The following FBP1 variants were observed in gnomAD, a reference collection of about 807,000 sequenced individuals.
The protein encoded by FBP1 is fructose-bisphosphatase 1.
Under a neutral mutation model 29.9 loss-of-function variants are expected in FBP1, and 22 were observed. The ratio of observed to expected loss-of-function variants is 0.74; its 90% CI spans 0.53 to 1.05. The LOEUF is 1.05. Among genes scored for constraint, FBP1 ranks in the 50% least tolerant of loss-of-function variants. FBP1 has a pLI of 0.00. For missense variants in FBP1, 345 were observed against 448.2 expected (o/e 0.77, Z 2.08); for synonymous variants, 175 against 178.6 (o/e 0.98, Z 0.16).
Position 94,639,209 on chromosome 9 carries a change from C to G in FBP1, c.102G>C (p.Leu34=), listed in dbSNP as rs143832764. Residue 34 remains leucine, a synonymous_variant, in exon 1 of 7, where the codon CTG becomes CTC. Transcript: ENST00000375326. ...KARGTGELTQ[L]LNSLCTAVKA... ...TGACTGCTGTGCAGAGCGAGTTGAG[C>G]AGCTGGGTCAACTCGCCCGTGCCGC... is the stretch of plus-strand genomic sequence containing the variant. 1.8e-4 allele frequency: 292 copies of G among 1,602,354 alleles called. No individual in the cohort carries two copies. The highest frequency in any genetic ancestry group is 2.2e-4 in the Admixed American group (13 of 58,128).
At chr9:94,625,677 C>A (rs890595007) in intron 1 of FBP1, among the ~76,000 whole-genome samples, 1 of 152,244 alleles carries the variant, frequency 6.6e-6, no homozygotes, top group African/African-American at 2.4e-5. Context: ...CGCCTGTGGT[C>A]CCAGCTACTC....
chr9:94,635,062 C>CTGAG lies in FBP1; in HGVS notation c.170+4075_170+4078dup, dbSNP rs370040962. 9.0e-4 allele frequency among the ~76,000 whole-genome samples: 124 copies of CTGAG among 137,420 alleles called. No individual in the cohort carries two copies. In the Middle Eastern group the frequency reaches 0.013, roughly 14 times the overall value. 90.2% of individuals were successfully genotyped at this position (137,420 alleles called of 152,430 possible). On this transcript the variant is annotated intron_variant, in intron 1 of 6. Coordinates refer to ENST00000375326, the MANE Select transcript of FBP1 (RefSeq NM_000507.4). ...TGAGATTGCACCACTGCACACCAGC[C>CTGAG]TGAGTGAGAGTGAGGCCCTGTCTCA...
At chr9:94,638,874 A>G (rs777295065) in intron 1 of FBP1, among the ~76,000 whole-genome samples, 5 of 152,122 alleles carry the variant, frequency 3.3e-5, no homozygotes, top group Non-Finnish European at 7.4e-5. Context: ...AGAGAAGAGG[A>G]ATGCAAGATG....
intron 1 of FBP1, among the ~76,000 whole-genome samples, chr9:94,626,187 A>C (rs1265020621): frequency 6.6e-6 from 1 of 152,198 alleles, no homozygotes; most frequent in East Asian, 1.9e-4. Context: ...AGAACACATG[A>C]AGATAGATTA....
upstream of FBP1, chr9:94,639,580 G>A (rs1302983841): frequency 1.8e-6 from 1 of 567,378 alleles, no homozygotes; most frequent in African/African-American, 1.9e-5. Flanking sequence ...CCGCCCCCGG[G>A]AACACTCTTG....
intron 3 of FBP1, among the ~76,000 whole-genome samples, chr9:94,611,997 G>A (rs1563981016): frequency 6.6e-6 from 1 of 152,206 alleles, no homozygotes; most frequent in Non-Finnish European, 1.5e-5. Context: ...TTCACCTGGG[G>A]AGGTGGTTAG....
intron 1 of FBP1, among the ~76,000 whole-genome samples, chr9:94,621,814 G>A (rs770019408): frequency 1.3e-5 from 2 of 152,122 alleles, no homozygotes; most frequent in African/African-American, 2.4e-5. Context: ...GCCTGGGTCG[G>A]GGGTAGCCTG....
rs61753273 is a variant in FBP1 at position 94,617,849 on chromosome 9, C to T, written c.345G>A (p.Val115=). Residue 115 remains valine, a synonymous_variant, in exon 3 of 7, where the codon GTG becomes GTA. Coordinates refer to ENST00000375326, the MANE Select transcript of FBP1 (RefSeq NM_000507.4). ...ATCCATCAAGGGGATCAAAACAGAC[C>T]ACATATTTACCCTGAGCACAGAAAA... ...IVEPEKRGKY[V]VCFDPLDGSS... The T allele has an allele frequency of 1.4e-4, 227 of 1,612,330 alleles. 1 individual carries two copies. In the African/African-American group the frequency reaches 2.5e-3, roughly 18 times the overall value.
rs1191136990 is a variant in FBP1, at chr9:94,606,758, C to T, written c.705+57G>A. ...CCGGGGGATGCCCCTGCCTCCAGAACGGCCTCTGGTGCCAGATGCCCAGAA... is the reference window on the plus strand; with the variant it reads ...CCGGGGGATGCCCCTGCCTCCAGAATGGCCTCTGGTGCCAGATGCCCAGAA... On this transcript the variant is annotated intron_variant, in intron 5 of 6. Transcript: ENST00000375326. 27 of 1,561,346 alleles carry T rather than the reference C, an allele frequency of 1.7e-5. 1 individual carries two copies. The highest frequency in any genetic ancestry group is 4.5e-5 in the South Asian group (4 of 88,068).
chr9:94,619,756 C>A (rs749091527), intron 2 of FBP1, among the ~76,000 whole-genome samples: 8 of 151,678 alleles, frequency 5.3e-5, no homozygotes, highest in Non-Finnish European at 1.2e-4. Context: ...AACCTGTAAT[C>A]CCAGCTACTC....
At chr9:94,614,771 A>G (rs553635998) in intron 3 of FBP1, among the ~76,000 whole-genome samples, 59 of 152,326 alleles carry the variant, frequency 3.9e-4, no homozygotes, top group African/African-American at 1.3e-3. Flanking sequence ...TGGAAGCATT[A>G]TAGATGTCTA....
chr9:94,617,414 T>C (rs1360986461), intron 3 of FBP1, among the ~76,000 whole-genome samples: 1 of 152,168 alleles, frequency 6.6e-6, no homozygotes, highest in Non-Finnish European at 1.5e-5. Context: ...TTTGACATAG[T>C]CTCTATTGTT....
rs1217647599 is a variant in FBP1 at position 94,639,183 on chromosome 9, T to C, written c.128A>G (p.Lys43Arg). ...CTTGCGCACCGCCGAAGAGATGGCT[T>C]TGACTGCTGTGCAGAGCGAGTTGAG... is the stretch of plus-strand genomic sequence containing the variant. ...QLLNSLCTAV[K>R]AISSAVRKAG... The change falls in exon 1 of 7, where the codon AAA becomes AGA. Residue 43 changes from lysine (K) to arginine (R), a missense_variant. Transcript: ENST00000375326. 6.2e-6 allele frequency: 10 copies of C among 1,605,872 alleles called. No individual in the cohort carries two copies. The South Asian group carries it at 1.1e-4, about 18-fold the overall frequency.
chr9:94,630,859 C>T (rs913092370), intron 1 of FBP1, among the ~76,000 whole-genome samples: 14 of 152,114 alleles, frequency 9.2e-5, no homozygotes, highest in Non-Finnish European at 1.3e-4. Context: ...ATGGATAATG[C>T]GCGCGGTGCA....
intron 2 of FBP1, among the ~76,000 whole-genome samples, chr9:94,619,321 C>T (rs1014232631): frequency 6.6e-6 from 1 of 152,140 alleles, no homozygotes; most frequent in Non-Finnish European, 1.5e-5. Flanking sequence ...TTCATCTTCT[C>T]ATTGTTTTTT....
intron 2 of FBP1, among the ~76,000 whole-genome samples, chr9:94,619,406 A>C (rs1412709072): frequency 6.6e-6 from 1 of 152,102 alleles, no homozygotes; most frequent in East Asian, 1.9e-4. Flanking sequence ...CTGCACTTCT[A>C]ATCTCAGAAG....
chr9:94,605,998 T>C (rs1318326926), intron 5 of FBP1, among the ~76,000 whole-genome samples: 1 of 152,090 alleles, frequency 6.6e-6, no homozygotes, highest in African/African-American at 2.4e-5. Flanking sequence ...GAGAGGGATA[T>C]GGTCCTGGAG....
intron 2 of FBP1, 127 bp downstream of exon 2, chr9:94,620,202 A>G: frequency 1.1e-6 from 1 of 934,978 alleles, no homozygotes; most frequent in Non-Finnish European, 1.7e-6. Flanking sequence ...GAAGCTATGA[A>G]AAGACCACAG....
chr9:94,618,423 C>G (rs1380868924), intron 2 of FBP1, among the ~76,000 whole-genome samples: 2 of 122,408 alleles, frequency 1.6e-5, no homozygotes, highest in African/African-American at 6.2e-5. Context: ...GAGTTTGAGA[C>G]CAGCCTGGGC....
Sources: allele counts gnomAD v4.1 joint callset (sites outside exome capture counted in the v4.1 genomes callset), GRCh38; gene constraint gnomAD v4.1.1; transcripts MANE v1.5; gene names NCBI Gene and HGNC (gene_info 2026-07-23, HGNC 2026-07-21).